CACNA1C: variants seen among roughly 807,000 people sequenced by gnomAD.
CACNA1C encodes voltage-dependent L-type calcium channel subunit alpha-1C.
CACNA1C carries 30 observed loss-of-function variants against 229.0 expected under a neutral mutation model. That is an observed-to-expected ratio of 0.13 (90% CI 0.10 to 0.18). CACNA1C has a LOEUF of 0.18. CACNA1C is among the 10% of genes least tolerant of loss of function. The probability of loss-of-function intolerance (pLI) is 1.00; values close to 1 mark genes in which losing one functional copy is unlikely to be tolerated. For missense variants in CACNA1C, 1,658 were observed against 2,845.0 expected (o/e 0.58, Z 9.49); for synonymous variants, 1,114 against 1,132.5 (o/e 0.98, Z 0.33).
chr12:2,618,579 C>G (rs2081821606), intron 29 of CACNA1C, among the ~76,000 whole-genome samples: 1 of 152,234 alleles, frequency 6.6e-6, no homozygotes, highest in African/African-American at 2.4e-5. Context: ...GCCAGAATTC[C>G]TCTAAAGACA....
chr12:1,988,015 G>T (rs1251361752), intron 1 of CACNA1C, among the ~76,000 whole-genome samples: 1 of 152,084 alleles, frequency 6.6e-6, no homozygotes, highest in African/African-American at 2.4e-5. Context: ...TTCACCCTTT[G>T]ACTTTAATTT....
intron 34 of CACNA1C, among the ~76,000 whole-genome samples, chr12:2,657,002 A>G (rs2095458062): frequency 6.6e-6 from 1 of 152,236 alleles, no homozygotes; most frequent in African/African-American, 2.4e-5. Context: ...TGGCCCTCTA[A>G]ATACAGTCTA....
At chr12:2,056,693 G>A (rs1016571800) in intron 1 of CACNA1C, among the ~76,000 whole-genome samples, 5 of 152,216 alleles carry the variant, frequency 3.3e-5, no homozygotes, top group African/African-American at 1.2e-4. Context: ...GTTAAAGAAA[G>A]CTGTGGCAAT....
intron 3 of CACNA1C, among the ~76,000 whole-genome samples, chr12:2,190,139 A>G (rs1013346985): frequency 3.3e-5 from 5 of 152,238 alleles, no homozygotes; most frequent in Admixed American, 1.3e-4. Context: ...CTTTTTGTGC[A>G]TGATGCGTTA....
intron 7 of CACNA1C, among the ~76,000 whole-genome samples, chr12:2,496,443 T>G (rs570646268): frequency 3.9e-5 from 6 of 152,270 alleles, no homozygotes; most frequent in African/African-American, 1.4e-4. Context: ...ACCAAACAGC[T>G]GGAAAAGAGT....
chr12:2,560,590 G>A (rs2046906989), intron 11 of CACNA1C, among the ~76,000 whole-genome samples: 1 of 152,170 alleles, frequency 6.6e-6, no homozygotes, highest in Non-Finnish European at 1.5e-5. Context: ...TGAAGGGATT[G>A]ATTACACAAG....
chr12:2,638,142 CA>C (rs1234556132), intron 30 of CACNA1C, among the ~76,000 whole-genome samples: 4 of 152,106 alleles, frequency 2.6e-5, no homozygotes, highest in Non-Finnish European at 4.4e-5. Context: ...ATTCACAATG[CA>C]ATGAGGACAG....
intron 2 of CACNA1C, among the ~76,000 whole-genome samples, chr12:2,117,046 A>G (rs1233968672): frequency 2.0e-5 from 3 of 152,232 alleles, no homozygotes; most frequent in African/African-American, 7.2e-5. Context: ...AGGCAGGTGG[A>G]TCACCTGAGG....
At chr12:2,064,367 A>G (rs1594796901) in intron 1 of CACNA1C, among the ~76,000 whole-genome samples, 1 of 152,092 alleles carries the variant, frequency 6.6e-6, no homozygotes, top group African/African-American at 2.4e-5. Context: ...AAGCCTGGGG[A>G]CTGTTGGGAG....
Position 2,655,769 on chromosome 12 carries a change from A to G in CACNA1C, c.4232+531A>G, listed in dbSNP as rs530621373. On this transcript the variant is annotated intron_variant, in intron 34 of 46. Coordinates refer to ENST00000399655, the MANE Select transcript of CACNA1C (RefSeq NM_000719.7). ...GATACATCATGATCAAGTGGGTTTC[A>G]TTCCAGGGGTGGTTCAACATATGCA... Among the ~76,000 whole-genome samples the G allele has an allele frequency of 1.3e-4, 20 of 152,358 alleles. No homozygotes were observed. In the South Asian group the frequency reaches 3.9e-3, roughly 30 times the overall value.
At chr12:2,404,815 T>C (rs1466218835) in intron 3 of CACNA1C, among the ~76,000 whole-genome samples, 2 of 152,176 alleles carry the variant, frequency 1.3e-5, no homozygotes, top group Non-Finnish European at 2.9e-5. Flanking sequence ...TTTTTGTGGC[T>C]TTTCTTTGTG....
chr12:2,111,885 T>G (rs1165829736), intron 1 of CACNA1C, among the ~76,000 whole-genome samples: 1 of 152,174 alleles, frequency 6.6e-6, no homozygotes, highest in Admixed American at 6.5e-5. Flanking sequence ...CCGAGGTTAC[T>G]GCGGGGGCAG....
At chr12:2,436,262 G>T (rs150890508) in intron 3 of CACNA1C, among the ~76,000 whole-genome samples, 1 of 152,348 alleles carries the variant, frequency 6.6e-6, no homozygotes, top group East Asian at 1.9e-4. Context: ...TCACTGCTCA[G>T]AAATTCCTTC....
chr12:2,337,069 T>G (rs1295170707), intron 3 of CACNA1C, among the ~76,000 whole-genome samples: 1 of 152,186 alleles, frequency 6.6e-6, no homozygotes, highest in Admixed American at 6.5e-5. Flanking sequence ...CCTCGGTCCT[T>G]TGCTAGGTAC....
chr12:2,528,354 A>G lies in CACNA1C; in HGVS notation c.1390+15370A>G, dbSNP rs372874525. 2.8e-4 allele frequency among the ~76,000 whole-genome samples: 42 copies of G among 152,306 alleles called. No individual in the cohort carries two copies. In the South Asian group the frequency reaches 8.1e-3, roughly 29 times the overall value. ...GCTTTAGCTCCAGGAGCCTGGGCCAAACCTGATCATTTCAGTCCATCAGAC... is the reference window on the plus strand; with the variant it reads ...GCTTTAGCTCCAGGAGCCTGGGCCAGACCTGATCATTTCAGTCCATCAGAC... On this transcript the variant is annotated intron_variant, in intron 9 of 46. Coordinates refer to ENST00000399655, the MANE Select transcript of CACNA1C (RefSeq NM_000719.7).
At chr12:2,550,811 C>A (rs144726910) in intron 10 of CACNA1C, 3 of 564,384 alleles carry the variant, frequency 5.3e-6, no homozygotes, top group Non-Finnish European at 5.4e-6. Flanking sequence ...ACAGCAATGC[C>A]GGCCTTGAGC....
At chr12:2,355,464 T>C (rs1335488317) in intron 3 of CACNA1C, among the ~76,000 whole-genome samples, 3 of 152,134 alleles carry the variant, frequency 2.0e-5, no homozygotes, top group Admixed American at 1.3e-4. Context: ...AGCCTGCAGG[T>C]TATGCCAAGT....
intron 37 of CACNA1C, 189 bp from the exon 38 acceptor site, chr12:2,668,744 A>T (rs897238154): frequency 3.2e-5 from 19 of 592,522 alleles, no homozygotes; most frequent in Middle Eastern, 9.0e-4. Context: ...GTACCAAACC[A>T]TTTATGAGAA....
At chr12:2,530,292 C>T (rs1474581397) in intron 9 of CACNA1C, among the ~76,000 whole-genome samples, 2 of 152,164 alleles carry the variant, frequency 1.3e-5, no homozygotes, top group African/African-American at 2.4e-5. Context: ...GTTGCTCTGG[C>T]GATGGAAGGG....
Sources: gnomAD v4.1 joint callset for allele counts (sites outside exome capture counted in the v4.1 genomes callset) on GRCh38, gnomAD v4.1.1 for gene constraint, MANE v1.5 for transcripts, NCBI Gene and HGNC (gene_info 2026-07-23, HGNC 2026-07-21) for gene names.